KBTBD12: variants seen among roughly 807,000 people sequenced by gnomAD.
The protein encoded by KBTBD12 is kelch repeat and BTB domain-containing protein 12.
A neutral mutation model predicts 58.7 loss-of-function variants in KBTBD12; 53 were observed. The observed-to-expected ratio is 0.90, with a 90% CI of 0.72 to 1.14. The LOEUF is 1.14. Among genes scored for constraint, KBTBD12 ranks in the 50% most tolerant of loss-of-function variants. The pLI is 0.00. For missense variants in KBTBD12, 704 were observed against 751.3 expected, an observed-to-expected ratio of 0.94 and a Z score of 0.74; for synonymous variants, 236 against 259.8, an observed-to-expected ratio of 0.91 and a Z score of 0.88.
intron 1 of KBTBD12, among the ~76,000 whole-genome samples, chr3:127,920,758 A>G (rs1332813637): frequency 1.3e-5 from 2 of 152,050 alleles, no homozygotes; most frequent in African/African-American, 4.8e-5. Flanking sequence ...CAGGAGTATA[A>G]CTGCTTTTTG....
intron 5 of KBTBD12, among the ~76,000 whole-genome samples, chr3:127,973,198 T>G (rs1940714314): frequency 6.6e-6 from 1 of 152,176 alleles, no homozygotes; most frequent in Non-Finnish European, 1.5e-5. Context: ...GTCAAACCTC[T>G]ACATTTTACC....
At chr3:127,916,571 C>T (rs1939246079) in intron 1 of KBTBD12, among the ~76,000 whole-genome samples, 1 of 152,024 alleles carries the variant, frequency 6.6e-6, no homozygotes, top group African/African-American at 2.4e-5. Flanking sequence ...CAGCTGGGTA[C>T]TCAGGTCCTG....
chr3:127,930,532 A>G (rs1939677572), intron 4 of KBTBD12, among the ~76,000 whole-genome samples: 1 of 152,236 alleles, frequency 6.6e-6, no homozygotes, highest in Non-Finnish European at 1.5e-5. Flanking sequence ...AAAAACAATA[A>G]TGATACATCC....
chr3:127,964,470 TAA>T lies in KBTBD12; in HGVS notation c.1690+1097_1690+1098del, dbSNP rs59832982. On this transcript the variant is annotated intron_variant, in intron 5 of 5. Transcript: ENST00000405109. The stretch of plus-strand genomic sequence containing the variant: ...AACATGGTGAAACCCCATCTCTACT[TAA>T]AAAAAAAAAAAATACAAAAATTAGC... Among the ~76,000 whole-genome samples, 41 of 142,248 alleles carry T rather than the reference TAA, an allele frequency of 2.9e-4. No homozygotes were observed. The East Asian group carries it at 3.5e-3, about 12-fold the overall frequency. 93.3% of individuals were successfully genotyped at this position (142,248 alleles called of 152,430 possible).
At chr3:127,959,108 T>C (rs1940377850) in intron 4 of KBTBD12, among the ~76,000 whole-genome samples, 1 of 152,004 alleles carries the variant, frequency 6.6e-6, no homozygotes, top group African/African-American at 2.4e-5. Context: ...TGATACGAGG[T>C]TGGAAAAAAA....
intron 5 of KBTBD12, among the ~76,000 whole-genome samples, chr3:127,973,712 T>G (rs879425739): frequency 9.9e-5 from 15 of 152,268 alleles, no homozygotes; most frequent in Admixed American, 2.0e-4. Flanking sequence ...TTATTGACTC[T>G]AGATGCAGAA....
At chr3:127,945,374 C>T (rs187100414) in intron 4 of KBTBD12, among the ~76,000 whole-genome samples, 3 of 150,946 alleles carry the variant, frequency 2.0e-5, no homozygotes, top group African/African-American at 7.3e-5. Context: ...TTAGTAGAGA[C>T]AGGGTTTCAC....
intron 5 of KBTBD12, among the ~76,000 whole-genome samples, chr3:127,982,707 T>C (rs1245041620): frequency 6.6e-6 from 1 of 152,198 alleles, no homozygotes; most frequent in Non-Finnish European, 1.5e-5. Context: ...GATGGCTGTG[T>C]CCATCTTTCT....
At chr3:127,980,642 C>G (rs1478378410) in intron 5 of KBTBD12, among the ~76,000 whole-genome samples, 1 of 152,164 alleles carries the variant, frequency 6.6e-6, no homozygotes, top group Non-Finnish European at 1.5e-5. Context: ...GTGTAGTTGT[C>G]TTTGACCGGA....
intron 4 of KBTBD12, among the ~76,000 whole-genome samples, chr3:127,935,757 C>T (rs1434139847): frequency 5.3e-5 from 8 of 151,920 alleles, no homozygotes; most frequent in Non-Finnish European, 7.4e-5. Context: ...AGGGAATGGA[C>T]CAAACACGCT....
intron 5 of KBTBD12, among the ~76,000 whole-genome samples, chr3:127,979,237 C>T (rs1422039318): frequency 1.3e-5 from 2 of 152,282 alleles, no homozygotes; most frequent in East Asian, 1.9e-4. Flanking sequence ...AAGAAAATAT[C>T]AGATCATACA....
At chr3:127,957,560 T>C (rs950491676) in intron 4 of KBTBD12, among the ~76,000 whole-genome samples, 33 of 152,144 alleles carry the variant, frequency 2.2e-4, no homozygotes, top group African/African-American at 7.7e-4. Flanking sequence ...ACTTTTATAA[T>C]CAGCCAACTT....
intron 5 of KBTBD12, among the ~76,000 whole-genome samples, chr3:127,976,371 C>T (rs932919720): frequency 1.3e-5 from 2 of 152,140 alleles, no homozygotes; most frequent in African/African-American, 2.4e-5. Context: ...CATGTCGACA[C>T]GCCCTTTTTC....
chr3:127,977,148 C>G (rs927772195), intron 5 of KBTBD12, among the ~76,000 whole-genome samples: 1 of 152,218 alleles, frequency 6.6e-6, no homozygotes, highest in African/African-American at 2.4e-5. Flanking sequence ...CCAGCTCCAA[C>G]CATGTTGCTG....
intron 5 of KBTBD12, among the ~76,000 whole-genome samples, chr3:127,970,059 G>A (rs1940654154): frequency 6.6e-6 from 1 of 152,142 alleles, no homozygotes; most frequent in Admixed American, 6.5e-5. Context: ...TCTGGTAAGA[G>A]ACTTGTATCT....
chr3:127,952,400 A>G (rs1330398958), intron 4 of KBTBD12, among the ~76,000 whole-genome samples: 1 of 152,180 alleles, frequency 6.6e-6, no homozygotes, highest in Admixed American at 6.5e-5. Context: ...GAAGGCCACA[A>G]ATTACAGGGT....
chr3:127,926,327 T>C (rs976885411), intron 2 of KBTBD12, among the ~76,000 whole-genome samples: 2 of 152,170 alleles, frequency 1.3e-5, no homozygotes, highest in Non-Finnish European at 2.9e-5. Flanking sequence ...CCCAAACCCA[T>C]TTTTTAAAGT....
At chr3:127,947,509 T>A (rs1028617076) in intron 4 of KBTBD12, among the ~76,000 whole-genome samples, 3 of 152,184 alleles carry the variant, frequency 2.0e-5, no homozygotes, top group Non-Finnish European at 4.4e-5. Flanking sequence ...CTTCAAAACC[T>A]GACAGATCTC....
At position 127,962,186 on chromosome 3, in the gene KBTBD12, T is replaced by G. The variant is rs72983921; in HGVS notation, c.1493-1003T>G. ...AGAGGCGTGTCTGCAAATACAGGCA[T>G]GTCCCTCCTTCCGGGGGGTTTACCT... On this transcript the variant is annotated intron_variant, in intron 4 of 5. Coordinates refer to ENST00000405109, the MANE Select transcript of KBTBD12 (RefSeq NM_207335.4). Among the ~76,000 whole-genome samples the G allele has an allele frequency of 5.6e-3, 855 of 152,324 alleles. 7 individuals carry two copies. Among genetic ancestry groups the G allele is most frequent in the African/African-American group, 0.019 (772 of 41,570 alleles).
Sources: gnomAD v4.1 joint callset for allele counts (sites outside exome capture counted in the v4.1 genomes callset) on GRCh38, gnomAD v4.1.1 for gene constraint, MANE v1.5 for transcripts, NCBI Gene and HGNC (gene_info 2026-07-23, HGNC 2026-07-21) for gene names.